Variants in PROCR observed in about 807,000 individuals in gnomAD.
PROCR encodes the protein endothelial protein C receptor.
PROCR carries 22 observed loss-of-function variants against 24.2 expected under a neutral mutation model. That is an observed-to-expected ratio of 0.91 (90% CI 0.65 to 1.30). PROCR has a LOEUF of 1.30. Among genes scored for constraint, PROCR ranks in the 50% most tolerant of loss-of-function variants. The pLI, the probability that PROCR is intolerant of heterozygous loss-of-function variation, is 0.00. For synonymous variants in PROCR, 137 were observed against 139.2 expected, an observed-to-expected ratio of 0.98 and a Z score of 0.11; for missense variants, 288 against 307.7, an observed-to-expected ratio of 0.94 and a Z score of 0.48.
chr20:35,191,559 T>G (rs1408366453), intron 1 of PROCR, among the ~76,000 whole-genome samples: 1 of 152,104 alleles, frequency 6.6e-6, no homozygotes, highest in African/African-American at 2.4e-5. Context: ...TTAGACAGCA[T>G]AATCAGGGCA....
At chr20:35,204,398 TTC>T (rs1296821885) in intron 1 of PROCR, among the ~76,000 whole-genome samples, 9 of 122,948 alleles carry the variant, frequency 7.3e-5, no homozygotes, top group Non-Finnish European at 1.5e-4. Context: ...CCTTCCTTCC[TTC>T]TCTCTTTTCT....
intron 1 of PROCR, among the ~76,000 whole-genome samples, chr20:35,191,465 AT>A (rs201961303): frequency 2.0e-5 from 3 of 151,470 alleles, no homozygotes; most frequent in Non-Finnish European, 2.9e-5. Flanking sequence ...TAAACAAATA[AT>A]TTTTTTTTAA....
intron 1 of PROCR, among the ~76,000 whole-genome samples, chr20:35,212,131 G>A (rs2060364827): frequency 6.6e-6 from 1 of 152,186 alleles, no homozygotes; most frequent in African/African-American, 2.4e-5. Flanking sequence ...CTTTGAGTAA[G>A]AACTTTTTAA....
At chr20:35,191,246 G>T (rs1275710073) in intron 1 of PROCR, among the ~76,000 whole-genome samples, 1 of 152,042 alleles carries the variant, frequency 6.6e-6, no homozygotes, top group African/African-American at 2.4e-5. Flanking sequence ...TTGTTCTTCT[G>T]GACTTGTTAC....
exon 2 of PROCR, chr20:35,215,926 A>C: frequency 1.0e-6 from 1 of 981,422 alleles, no homozygotes; most frequent in South Asian, 4.7e-5. Flanking sequence ...GGCCGGGCGC[A>C]GTGGCTCACT....
At position 35,176,227 on chromosome 20, in the gene PROCR, C is replaced by T; in HGVS notation, c.382C>T (p.His128Tyr). The T allele has an allele frequency of 6.2e-7, 1 of 1,614,162 alleles. No homozygotes were observed. The highest frequency in any genetic ancestry group is 8.5e-7 in the Non-Finnish European group (1 of 1,180,038). Residue 128 changes from histidine to tyrosine, a missense_variant, in exon 3 of 4, where the codon CAT becomes TAT. Transcript: ENST00000216968. ...GCTGCCTCCCGAGGGCTCTAGAGCC[C>T]ATGTCTTCTTCGAAGTGGCTGTGAA... ...CELPPEGSRA[H>Y]VFFEVAVNGS...
rs749468718 is a variant in PROCR, at chr20:35,174,768, G to A, written c.137G>A (p.Gly46Asp). The A allele has an allele frequency of 1.2e-6, 2 of 1,614,072 alleles. No homozygotes were observed. Among genetic ancestry groups the A allele is most frequent in the South Asian group, 2.2e-5 (2 of 91,080 alleles). Reference sequence around the variant, plus strand: ...GACCCCTATCACGTGTGGTACCAGGGCAACGCGTCGCTGGGGGGACACCTA... The same window carrying A: ...GACCCCTATCACGTGTGGTACCAGGACAACGCGTCGCTGGGGGGACACCTA... ...FRDPYHVWYQ[G>D]NASLGGHLTH... The change falls in exon 2 of 4, where the codon GGC (glycine) becomes GAC (aspartate). Residue 46 changes from glycine (G) to aspartate (D), a missense_variant. Gly to Asp is a moderately conservative substitution (Grantham distance 94). Coordinates refer to ENST00000216968, the MANE Select transcript of PROCR (RefSeq NM_006404.5).
At chr20:35,198,612 C>T (rs1300450864) in intron 1 of PROCR, among the ~76,000 whole-genome samples, 2 of 152,120 alleles carry the variant, frequency 1.3e-5, no homozygotes, top group African/African-American at 4.8e-5. Flanking sequence ...GCATCAAGTT[C>T]TACAGAAGAT....
intron 1 of PROCR, among the ~76,000 whole-genome samples, chr20:35,192,502 TG>T (rs1381965551): frequency 2.6e-5 from 4 of 152,186 alleles, no homozygotes; most frequent in Admixed American, 2.6e-4. Context: ...GAAAGTTGTG[TG>T]TCTGTTCCCA....
In PROCR at chr20:35,172,211, A is replaced by C; in HGVS notation, c.57A>C (p.Gln19His). The C allele has an allele frequency of 6.2e-7, 1 of 1,614,216 alleles. No individual in the cohort carries two copies. Among genetic ancestry groups the C allele is most frequent in the South Asian group, 1.1e-5 (1 of 91,088 alleles). The change falls in exon 1 of 4, where the codon CAA (glutamine) becomes CAC (histidine). Residue 19 changes from glutamine to histidine, a missense_variant. Physicochemically the swap from Gln to His is conservative, Grantham distance 24. Coordinates refer to ENST00000216968, the MANE Select transcript of PROCR (RefSeq NM_006404.5). ...LLLSGWAFCS[Q>H]DASDGLQRLH... Reference sequence around the variant, plus strand: ...TGTCTGGCTGGGCCTTTTGTAGCCAAGACGCCTCAGATGGTGAGTCGGGGG... The same window carrying C: ...TGTCTGGCTGGGCCTTTTGTAGCCACGACGCCTCAGATGGTGAGTCGGGGG...
chr20:35,192,215 C>G (rs968991315), intron 1 of PROCR, among the ~76,000 whole-genome samples: 2 of 152,168 alleles, frequency 1.3e-5, no homozygotes, highest in African/African-American at 4.8e-5. Flanking sequence ...GCCTCCTAGG[C>G]ATATGCCTAA....
At chr20:35,186,865 A>G (rs1189503890) in intron 1 of PROCR, among the ~76,000 whole-genome samples, 1 of 151,780 alleles carries the variant, frequency 6.6e-6, no homozygotes, top group Non-Finnish European at 1.5e-5. Context: ...AGGCAGGAGA[A>G]TGGCGTGAAC....
intron 1 of PROCR, among the ~76,000 whole-genome samples, chr20:35,198,717 CTTT>C (rs756605474): frequency 7.0e-6 from 1 of 142,144 alleles, no homozygotes; most frequent in Admixed American, 7.1e-5. Flanking sequence ...CCATCAAGGA[CTTT>C]TTTTTTTTTT....
intron 1 of PROCR, among the ~76,000 whole-genome samples, chr20:35,182,696 C>G (rs1238920752): frequency 6.6e-6 from 1 of 152,140 alleles, no homozygotes; most frequent in African/African-American, 2.4e-5. Context: ...TGTTATGTGG[C>G]CGGGCATGGT....
At chr20:35,193,542 A>G (rs1272539392) in intron 1 of PROCR, among the ~76,000 whole-genome samples, 1 of 152,218 alleles carries the variant, frequency 6.6e-6, no homozygotes, top group African/African-American at 2.4e-5. Flanking sequence ...ACTAAGTTGT[A>G]CATTTATAAT....
At chr20:35,190,390 TTTC>T (rs1457902238) in intron 1 of PROCR, among the ~76,000 whole-genome samples, 6 of 152,246 alleles carry the variant, frequency 3.9e-5, no homozygotes, top group Admixed American at 1.3e-4. Context: ...TTCTGTTCTT[TTTC>T]TTAAGCTTGA....
chr20:35,213,042 C>T (rs2060367978), intron 1 of PROCR, among the ~76,000 whole-genome samples: 1 of 152,122 alleles, frequency 6.6e-6, no homozygotes, highest in Non-Finnish European at 1.5e-5. Flanking sequence ...TTATAGGAGT[C>T]TGTTCAGGCC....
chr20:35,212,528 C>A (rs781778137), intron 1 of PROCR, among the ~76,000 whole-genome samples: 1 of 152,104 alleles, frequency 6.6e-6, no homozygotes, highest in Non-Finnish European at 1.5e-5. Context: ...GTTATTACTG[C>A]GGTCCAAGTA....
intron 1 of PROCR, among the ~76,000 whole-genome samples, chr20:35,214,685 T>A (rs1334123663): frequency 7.5e-6 from 1 of 132,668 alleles, no homozygotes; most frequent in Non-Finnish European, 1.6e-5. Flanking sequence ...CGAAACTCCA[T>A]CTCAAAAAAA....
Sources: allele counts gnomAD v4.1 joint callset (sites outside exome capture counted in the v4.1 genomes callset), GRCh38; gene constraint gnomAD v4.1.1; transcripts MANE v1.5; gene names NCBI Gene and HGNC (gene_info 2026-07-23, HGNC 2026-07-21).